ZNF462: variants seen among roughly 807,000 people sequenced by gnomAD.
ZNF462 encodes the protein zinc finger protein 462.
A neutral mutation model predicts 201.9 loss-of-function variants in ZNF462; 10 were observed. That is an observed-to-expected ratio of 0.05 (90% CI 0.03 to 0.08). ZNF462 has a LOEUF of 0.08. ZNF462 is among the 10% of genes least tolerant of loss of function. The probability of loss-of-function intolerance (pLI) is 1.00; values close to 1 mark genes in which losing one functional copy is unlikely to be tolerated. For missense variants in ZNF462, 2,523 were observed against 3,168.3 expected (o/e 0.80, Z 4.89); for synonymous variants, 1,227 against 1,193.3 (o/e 1.03, Z -0.58).
In ZNF462 at chr9:106,955,337, CTA is replaced by C. The variant is rs1831526673; in HGVS notation, c.6427+16231_6427+16232del. Among the ~76,000 whole-genome samples the C allele has an allele frequency of 1.2e-4, 18 of 152,198 alleles. No individual in the cohort carries two copies. The South Asian group carries it at 3.7e-3, about 32-fold the overall frequency. On this transcript the variant is annotated intron_variant, in intron 7 of 12. Coordinates refer to ENST00000277225, the MANE Select transcript of ZNF462 (RefSeq NM_021224.6). ...CATGTTTACACTATACTGTAGTTTACTAAGTATACAATAGCATTATGTCTAAA... is the reference window on the plus strand; with the variant it reads ...CATGTTTACACTATACTGTAGTTTACAGTATACAATAGCATTATGTCTAAA...
At position 106,925,604 on chromosome 9, in the gene ZNF462, G is replaced by A. The variant is rs201788834; in HGVS notation, c.1692G>A (p.Gln564=). The A allele has an allele frequency of 3.1e-5, 50 of 1,612,154 alleles. No homozygotes were observed. In the East Asian group the frequency reaches 9.1e-4, roughly 29 times the overall value. ...PSQPQPLQQP[Q]PPQLQPPHQV... ...AGCCACAGCCACTGCAGCAGCCACA[G>A]CCACCACAGCTGCAGCCACCACATC... Residue 564 remains glutamine (Q), a synonymous_variant, in exon 3 of 13, where the codon CAG becomes CAA. Transcript: ENST00000277225. This position sits in a 1 kb window ranked among gnomAD's most constrained non-coding sequence, Gnocchi z 7.9.
rs57577781 is a variant in ZNF462, at chr9:106,917,848, ATATT to A, written c.-30-5464_-30-5461del. ...TATTTTGCTGGTTTATTATTTTTTT[ATATT>A]TATTTATTTATTTATTTATTTATTT... On this transcript the variant is annotated intron_variant, in intron 1 of 12. Transcript: ENST00000277225. The surrounding 1 kb of genome is among the most constrained non-coding windows in gnomAD (Gnocchi z 4.5). Among the ~76,000 whole-genome samples the A allele has an allele frequency of 0.016, 2,297 of 145,714 alleles. 28 individuals are homozygous for A. The highest frequency in any genetic ancestry group is 0.044 in the East Asian group (218 of 4,954).
At chr9:106,985,114 A>G (rs185634620) in intron 10 of ZNF462, among the ~76,000 whole-genome samples, 120 of 152,322 alleles carry the variant, frequency 7.9e-4, no homozygotes, top group African/African-American at 2.7e-3. Context: ...GAAAGCAGCC[A>G]TAGACAATAC....
chr9:106,900,968 A>G (rs933284011), intron 1 of ZNF462, among the ~76,000 whole-genome samples: 10 of 152,170 alleles, frequency 6.6e-5, no homozygotes, highest in African/African-American at 2.4e-4. Context: ...GCATAAGCCA[A>G]TGTCTAGAAG....
intron 7 of ZNF462, among the ~76,000 whole-genome samples, chr9:106,946,477 GACTTCTT>G (rs1831109380): frequency 6.6e-6 from 1 of 152,044 alleles, no homozygotes; most frequent in African/African-American, 2.4e-5. Context: ...ACTGTCTTGA[GACTTCTT>G]ATGACTCATA....
chr9:106,944,511 T>A (rs1406426876), intron 7 of ZNF462, among the ~76,000 whole-genome samples: 1 of 152,200 alleles, frequency 6.6e-6, no homozygotes, highest in Non-Finnish European at 1.5e-5. Flanking sequence ...TGATGTGTAA[T>A]GATTAAATTA....
chr9:106,955,279 C>A (rs1198581645), intron 7 of ZNF462, among the ~76,000 whole-genome samples: 1 of 152,090 alleles, frequency 6.6e-6, no homozygotes, highest in African/African-American at 2.4e-5. Context: ...AAAAGTCATA[C>A]AAATCTTTTG....
chr9:106,900,993 T>C (rs192139556), intron 1 of ZNF462, among the ~76,000 whole-genome samples: 1 of 152,358 alleles, frequency 6.6e-6, no homozygotes, highest in East Asian at 1.9e-4. Context: ...TTTCCAATGT[T>C]ATCTTCTAAA....
At chr9:107,000,375 A>C (rs1829094983) in intron 10 of ZNF462, among the ~76,000 whole-genome samples, 1 of 152,014 alleles carries the variant, frequency 6.6e-6, no homozygotes, top group South Asian at 2.1e-4. Context: ...AGAATCAGGT[A>C]CAAGAAGGGA....
Position 106,932,339 on chromosome 9 carries a change from G to T in ZNF462, c.6013-107G>T, listed in dbSNP as rs1258987425. 1 of 1,569,156 alleles carries T rather than the reference G, an allele frequency of 6.4e-7. No individual in the cohort carries two copies. Among genetic ancestry groups the T allele is most frequent in the Admixed American group, 1.9e-5 (1 of 52,810 alleles). On this transcript the variant is annotated intron_variant, in intron 4 of 12. Transcript: ENST00000277225. The surrounding 1 kb of genome is among the most constrained non-coding windows in gnomAD (Gnocchi z 6.8). ...AAAGACGCCAGTGGCGCCCTGGTGG[G>T]CCGGGTGGATGGTGAACACTGCTTG...
intron 1 of ZNF462, among the ~76,000 whole-genome samples, chr9:106,877,464 A>T (rs1194011503): frequency 6.6e-6 from 1 of 151,588 alleles, no homozygotes; most frequent in East Asian, 1.9e-4. Flanking sequence ...TCTCAAGCAC[A>T]CTGTAAGCCC....
At chr9:106,944,860 C>A (rs1831035628) in intron 7 of ZNF462, among the ~76,000 whole-genome samples, 1 of 152,130 alleles carries the variant, frequency 6.6e-6, no homozygotes, top group African/African-American at 2.4e-5. Flanking sequence ...AAGGGCCAGA[C>A]AGAAAATATT....
intron 10 of ZNF462, among the ~76,000 whole-genome samples, chr9:106,989,220 C>T (rs2132362145): frequency 6.6e-6 from 1 of 152,098 alleles, no homozygotes; most frequent in African/African-American, 2.4e-5. Flanking sequence ...CTTTGTATGC[C>T]AATTTTGCTG....
At chr9:106,888,405 A>G (rs569788555) in intron 1 of ZNF462, among the ~76,000 whole-genome samples, 101 of 152,322 alleles carry the variant, frequency 6.6e-4, no homozygotes, top group African/African-American at 2.3e-3. Flanking sequence ...CGAACTGACA[A>G]TACTTTGCCC....
Position 106,902,453 on chromosome 9 carries a change from TTCTC to T in ZNF462, c.-30-20889_-30-20886del, listed in dbSNP as rs138817871. The stretch of plus-strand genomic sequence containing the variant: ...GATTCATAGAATGAATTAGGGAGGG[TTCTC>T]TCTCTCTCTCTGTCTTGTGGAATAG... On this transcript the variant is annotated intron_variant, in intron 1 of 12. Coordinates refer to ENST00000277225, the MANE Select transcript of ZNF462 (RefSeq NM_021224.6). The surrounding 1 kb of genome is among the most constrained non-coding windows in gnomAD (Gnocchi z 4.2). 3.3e-5 allele frequency among the ~76,000 whole-genome samples: 5 copies of T among 150,626 alleles called. No homozygotes were observed. Among genetic ancestry groups the T allele is most frequent in the Non-Finnish European group, 7.4e-5 (5 of 67,470 alleles).
In ZNF462 at chr9:106,930,207, G is replaced by A. The variant is rs557808977; in HGVS notation, c.5848-318G>A. 2.0e-4 allele frequency among the ~76,000 whole-genome samples: 31 copies of A among 152,162 alleles called. No individual in the cohort carries two copies. Among genetic ancestry groups the A allele is most frequent in the African/African-American group, 6.7e-4 (28 of 41,524 alleles). On this transcript the variant is annotated intron_variant, in intron 3 of 12. Coordinates refer to ENST00000277225, the MANE Select transcript of ZNF462 (RefSeq NM_021224.6). This position sits in a 1 kb window ranked among gnomAD's most constrained non-coding sequence, Gnocchi z 5.8. Reference sequence around the variant, plus strand: ...TTTTATCAAGAAGTTCATTAATGGCGCAACTATGCAACGTTTCACCTGCCT... The same window carrying A: ...TTTTATCAAGAAGTTCATTAATGGCACAACTATGCAACGTTTCACCTGCCT...
chr9:106,888,241 C>G (rs1220625061), intron 1 of ZNF462, among the ~76,000 whole-genome samples: 3 of 151,962 alleles, frequency 2.0e-5, no homozygotes. Context: ...CAGGGTTTCA[C>G]CGTGTTAGCC....
At chr9:106,897,504 T>A (rs1189227016) in intron 1 of ZNF462, among the ~76,000 whole-genome samples, 2 of 152,148 alleles carry the variant, frequency 1.3e-5, no homozygotes, top group East Asian at 3.9e-4. Context: ...AGTAATTCCA[T>A]GGAAATAAAC....
chr9:106,879,332 A>ACCCCCCCCCCCCCCCCCC (rs796290122), intron 1 of ZNF462, among the ~76,000 whole-genome samples: 6 of 70,630 alleles, frequency 8.5e-5, no homozygotes, highest in African/African-American at 1.7e-4. Flanking sequence ...GATGCTTTCC[A>ACCCCCCCCCCCCCCCCCC]CCCCCCCCCC....
Sources: gnomAD v4.1 joint callset for allele counts (sites outside exome capture counted in the v4.1 genomes callset) on GRCh38, gnomAD v4.1.1 for gene constraint, Gnocchi (gnomAD v3.1) non-coding constraint, MANE v1.5 for transcripts, NCBI Gene and HGNC (gene_info 2026-07-23, HGNC 2026-07-21) for gene names.